Variants in RAB22A observed in about 807,000 individuals in gnomAD.
RAB22A encodes ras-related protein Rab-22A.
In RAB22A, 13 loss-of-function variants were observed where a neutral mutation model predicts 30.2. That is an observed-to-expected ratio of 0.43 (90% confidence interval 0.28 to 0.68). The LOEUF (loss-of-function observed/expected upper bound fraction) is 0.68. Among genes scored for constraint, RAB22A ranks in the 30% least tolerant of loss-of-function variants. RAB22A has a pLI of 0.18. For missense variants in RAB22A, 177 were observed against 246.8 expected (o/e 0.72, Z 1.89); for synonymous variants, 89 against 87.2 (o/e 1.02, Z -0.11).
chr20:58,310,285 C>T (rs1274344018), intron 1 of RAB22A, among the ~76,000 whole-genome samples: 1 of 152,066 alleles, frequency 6.6e-6, no homozygotes, highest in Non-Finnish European at 1.5e-5. Flanking sequence ...CCTTGCCTCT[C>T]TATTGCATCT....
chr20:58,348,096 G>A (rs1301107712), intron 3 of RAB22A, among the ~76,000 whole-genome samples: 2 of 152,070 alleles, frequency 1.3e-5, no homozygotes, highest in Admixed American at 6.5e-5. Context: ...GCATGGTGGC[G>A]CACACCTGTG....
chr20:58,339,499 G>A (rs923706134), intron 2 of RAB22A, among the ~76,000 whole-genome samples: 8 of 152,188 alleles, frequency 5.3e-5, no homozygotes, highest in African/African-American at 1.9e-4. Context: ...GACAACGGGA[G>A]GGAAAAATTG....
intron 3 of RAB22A, among the ~76,000 whole-genome samples, chr20:58,347,745 T>C (rs1986976472): frequency 6.6e-6 from 1 of 152,266 alleles, no homozygotes; most frequent in Non-Finnish European, 1.5e-5. Context: ...ATTTTGTCCC[T>C]ATTATTTGCT....
chr20:58,325,968 T>C (rs1457680718), intron 2 of RAB22A, among the ~76,000 whole-genome samples: 1 of 152,220 alleles, frequency 6.6e-6, no homozygotes, highest in East Asian at 1.9e-4. Context: ...GTAAATTTAT[T>C]TCTCCTTTTC....
chr20:58,310,153 C>T (rs1600719748), intron 1 of RAB22A, 141 bp downstream of exon 1: 2 of 875,004 alleles, frequency 2.3e-6, no homozygotes, highest in East Asian at 3.3e-5. Context: ...CCCTCCAGCT[C>T]GGGAGCCGTC....
Position 58,353,260 on chromosome 20 carries a change from C to T in RAB22A, c.199-13C>T. On this transcript the variant is annotated splice_polypyrimidine_tract_variant and intron_variant, in intron 3 of 6. Coordinates refer to ENST00000244040, the MANE Select transcript of RAB22A (RefSeq NM_020673.3). ...TTTTCCCAATTTTGTTTATTTTTCCCCCTCCTCTGCAGTTTCGTGCCTTAG... is the reference window on the plus strand; with the variant it reads ...TTTTCCCAATTTTGTTTATTTTTCCTCCTCCTCTGCAGTTTCGTGCCTTAG... The T allele has an allele frequency of 6.2e-7, 1 of 1,610,398 alleles. No homozygotes were observed. Among genetic ancestry groups the T allele is most frequent in the Non-Finnish European group, 8.5e-7 (1 of 1,178,588 alleles).
rs1258026269 is a variant in RAB22A, at chr20:58,362,426, C to G, written c.*2723C>G. On this transcript the variant is annotated 3_prime_UTR_variant, in exon 7 of 7. Transcript: ENST00000244040. ...TATTTCAAAGGAATTGAGACATACT[C>G]CCATCTATAAACATGTTTGGTTTTC... 6.6e-6 allele frequency: 1 copy of G among 152,182 alleles called. No individual in the cohort carries two copies. Among genetic ancestry groups the G allele is most frequent in the Admixed American group, 6.5e-5 (1 of 15,284 alleles). The allele number at this position is 152,182 out of a possible 1,614,324, so 9.4% of individuals were successfully genotyped here. A position where few individuals can be genotyped will look rare whatever the true frequency, so the allele number is the denominator to read the frequency against.
At chr20:58,330,178 C>T (rs549136081) in intron 2 of RAB22A, among the ~76,000 whole-genome samples, 2 of 152,058 alleles carry the variant, frequency 1.3e-5, no homozygotes, top group Non-Finnish European at 2.9e-5. Flanking sequence ...AATTTTTATT[C>T]GTGGGGGGTC....
intron 6 of RAB22A, among the ~76,000 whole-genome samples, chr20:58,355,053 G>T (rs1239344760): frequency 6.6e-6 from 1 of 152,222 alleles, no homozygotes; most frequent in African/African-American, 2.4e-5. Flanking sequence ...AAAGAAGCAG[G>T]CCCTGTAGAG....
chr20:58,332,999 C>T (rs927925837), intron 2 of RAB22A, among the ~76,000 whole-genome samples: 4 of 151,912 alleles, frequency 2.6e-5, no homozygotes, highest in Middle Eastern at 3.4e-3. Flanking sequence ...TATATATAGG[C>T]GGGGTGTGGT....
chr20:58,327,645 TC>T (rs1437409335), intron 2 of RAB22A, among the ~76,000 whole-genome samples: 1 of 151,962 alleles, frequency 6.6e-6, no homozygotes, highest in Non-Finnish European at 1.5e-5. Context: ...ACTAAACCAA[TC>T]CCAAACTCAA....
At chr20:58,318,484 A>T (rs1986387726) in intron 2 of RAB22A, among the ~76,000 whole-genome samples, 1 of 152,206 alleles carries the variant, frequency 6.6e-6, no homozygotes, top group African/African-American at 2.4e-5. Context: ...GGATTTTTGG[A>T]TTTGAAATGC....
chr20:58,327,498 T>C (rs1458835910), intron 2 of RAB22A, among the ~76,000 whole-genome samples: 2 of 152,218 alleles, frequency 1.3e-5, no homozygotes, highest in African/African-American at 4.8e-5. Flanking sequence ...ATAGGGCTGC[T>C]TGAGTGTCCT....
intron 6 of RAB22A, among the ~76,000 whole-genome samples, chr20:58,354,768 G>A (rs899252545): frequency 6.6e-6 from 1 of 152,140 alleles, no homozygotes; most frequent in Non-Finnish European, 1.5e-5. Context: ...TCTGCAGATC[G>A]TATCTATGTT....
At position 58,363,286 on chromosome 20, in the gene RAB22A, T is replaced by G. The variant is rs190017882; in HGVS notation, c.*3583T>G. On this transcript the variant is annotated 3_prime_UTR_variant, in exon 7 of 7. Coordinates refer to ENST00000244040, the MANE Select transcript of RAB22A (RefSeq NM_020673.3). Reference sequence around the variant, plus strand: ...TCTTTTTGGTACTTTCACTTATTCTTTCAGAATACATCAAGGATGTGATTT... The same window carrying G: ...TCTTTTTGGTACTTTCACTTATTCTGTCAGAATACATCAAGGATGTGATTT... 6.6e-6 allele frequency: 1 copy of G among 152,310 alleles called. No individual in the cohort carries two copies. The highest frequency in any genetic ancestry group is 2.4e-5 in the African/African-American group (1 of 41,560). 9.4% of individuals were successfully genotyped at this position (152,310 alleles called of 1,614,324 possible). A position where few individuals can be genotyped will look rare whatever the true frequency, so the allele number is the denominator to read the frequency against.
chr20:58,355,969 T>G (rs775064035), intron 6 of RAB22A, among the ~76,000 whole-genome samples: 2 of 152,180 alleles, frequency 1.3e-5, no homozygotes, highest in Non-Finnish European at 2.9e-5. Flanking sequence ...CATGAGTATG[T>G]TAAAATTACT....
At chr20:58,343,161 C>A (rs897088228) in intron 2 of RAB22A, among the ~76,000 whole-genome samples, 73 of 152,202 alleles carry the variant, frequency 4.8e-4, no homozygotes, top group African/African-American at 1.7e-3. Context: ...TCGTCAGGGG[C>A]ACTGATGATG....
At chr20:58,336,152 G>A (rs1462251297) in intron 2 of RAB22A, among the ~76,000 whole-genome samples, 1 of 152,090 alleles carries the variant, frequency 6.6e-6, no homozygotes, top group African/African-American at 2.4e-5. Flanking sequence ...TGGAATTATA[G>A]GCGCCCACCA....
At chr20:58,338,832 AG>A (rs1986807490) in intron 2 of RAB22A, among the ~76,000 whole-genome samples, 1 of 152,216 alleles carries the variant, frequency 6.6e-6, no homozygotes, top group Admixed American at 6.5e-5. Context: ...TGTTTCCATC[AG>A]TGTACATAAT....
Sources: gnomAD v4.1 joint callset for allele counts (sites outside exome capture counted in the v4.1 genomes callset) on GRCh38, gnomAD v4.1.1 for gene constraint, MANE v1.5 for transcripts, NCBI Gene and HGNC (gene_info 2026-07-23, HGNC 2026-07-21) for gene names.